Variants in C1orf159 observed in about 807,000 individuals in gnomAD.
C1orf159 encodes the protein chromosome 1 open reading frame 159, also known as uncharacterized protein C1orf159.
Under a neutral mutation model 25.6 loss-of-function variants are expected in C1orf159, and 19 were observed. The observed-to-expected ratio is 0.74, with a 90% CI of 0.52 to 1.09. The LOEUF (loss-of-function observed/expected upper bound fraction) is 1.09. Ranked by LOEUF, C1orf159 falls within the 50% of genes least tolerant of loss-of-function variation. The probability of loss-of-function intolerance (pLI) is 0.00; values close to 1 mark genes in which losing one functional copy is unlikely to be tolerated. For missense variants in C1orf159, 274 were observed against 290.6 expected (o/e 0.94, Z 0.42); for synonymous variants, 139 against 124.7 (o/e 1.12, Z -0.77).
intron 1 of C1orf159, among the ~76,000 whole-genome samples, chr1:1,097,660 C>T (rs1570320430): frequency 6.8e-6 from 1 of 147,114 alleles, no homozygotes; most frequent in African/African-American, 2.5e-5. Flanking sequence ...TGGGTTCAAG[C>T]AGTCCTCCCA....
chr1:1,089,555 C>T lies in C1orf159; in HGVS notation c.148+798G>A, dbSNP rs896935509. 6.6e-6 allele frequency among the ~76,000 whole-genome samples: 1 copy of T among 152,194 alleles called. No individual in the cohort carries two copies. The highest frequency in any genetic ancestry group is 2.4e-5 in the African/African-American group (1 of 41,446). ...CCACGCCCAGCCTCGGACCCCCGCG[C>T]CCAGCCTCACTGGCTGCCACAGCCG... On this transcript the variant is annotated intron_variant, in intron 4 of 9. Coordinates refer to ENST00000421241, the MANE Select transcript of C1orf159 (RefSeq NM_017891.5). The surrounding 1 kb of genome is among the most constrained non-coding windows in gnomAD (Gnocchi z 7.5).
At chr1:1,107,043 AC>A (rs952627622) in intron 1 of C1orf159, among the ~76,000 whole-genome samples, 6 of 149,308 alleles carry the variant, frequency 4.0e-5, no homozygotes, top group African/African-American at 1.5e-4. Flanking sequence ...GGCCCCCCGC[AC>A]CCCCGCCCGT....
chr1:1,082,745 C>T lies in C1orf159; in HGVS notation c.*148G>A, dbSNP rs752722885. The T allele has an allele frequency of 2.2e-5, 16 of 711,246 alleles. No homozygotes were observed. The highest frequency in any genetic ancestry group is 1.2e-4 in the South Asian group (7 of 58,074). The allele number at this position is 711,246 out of a possible 1,614,324, so 44.1% of individuals were successfully genotyped here. ...CGGCCCGGGACCCTTTGGCGTCCGT[C>T]GCTGGGAGGCGGAGGGACTCAGAGC... On this transcript the variant is annotated 3_prime_UTR_variant, in exon 10 of 10. Coordinates refer to ENST00000421241, the MANE Select transcript of C1orf159 (RefSeq NM_017891.5).
intron 1 of C1orf159, chr1:1,092,369 G>T: frequency 5.6e-6 from 1 of 178,518 alleles, no homozygotes; most frequent in Non-Finnish European, 1.2e-5. Context: ...TCAGGGACCA[G>T]GTACGGAGCT....
rs71628936 is a variant in C1orf159 at position 1,108,692 on chromosome 1, A to G, written c.-136+7368T>C. Among the ~76,000 whole-genome samples the G allele has an allele frequency of 9.2e-4, 43 of 46,562 alleles. 6 individuals carry two copies. Among genetic ancestry groups the G allele is most frequent in the African/African-American group, 2.6e-3 (17 of 6,436 alleles). The allele number at this position is 46,562 out of a possible 152,430, so 30.5% of individuals were successfully genotyped here. On this transcript the variant is annotated intron_variant, in intron 1 of 9. Transcript: ENST00000421241. ...CCGTTCACCACAGCCACCATGTCTC[A>G]GCACCATCCACCACGGCCACCATGT...
Position 1,082,895 on chromosome 1 carries a change from A to G in C1orf159, c.595T>C (p.Ter199ArgextTer43). The change falls in exon 10 of 10, where the codon TGA becomes CGA. Residue 199 changes from the stop codon to arginine (R), a stop_lost. Transcript: ENST00000421241. ...GTGGCGTGGTCTCGGCCTCCAGGTC[A>G]GACATTGCTGATACGGGCCTCCCCC... Reference protein sequence around the residue: ...FPGEARISNV* With the variant: ...FPGEARISNVR The G allele has an allele frequency of 6.3e-7, 1 of 1,588,900 alleles. No homozygotes were observed. The highest frequency in any genetic ancestry group is 8.6e-7 in the Non-Finnish European group (1 of 1,167,930).
Position 1,110,919 on chromosome 1 carries a change from G to A in C1orf159, c.-136+5141C>T, listed in dbSNP as rs116187553. ...AGAGTGTCGGTAAAATCACAGCAGC[G>A]CTCCTGTCTGGCGCGGCAGGCGGGC... On this transcript the variant is annotated intron_variant, in intron 1 of 9. Transcript: ENST00000421241. The surrounding 1 kb of genome is among the most constrained non-coding windows in gnomAD (Gnocchi z 4.8). 3.1e-3 allele frequency among the ~76,000 whole-genome samples: 470 copies of A among 152,340 alleles called. 5 individuals are homozygous for A. Among genetic ancestry groups the A allele is most frequent in the African/African-American group, 0.011 (454 of 41,588 alleles).
At chr1:1,101,668 G>A (rs568380704) in intron 1 of C1orf159, among the ~76,000 whole-genome samples, 2 of 151,892 alleles carry the variant, frequency 1.3e-5, no homozygotes, top group South Asian at 2.1e-4. Context: ...GTCGGCTCAC[G>A]GTCTATTGGC....
chr1:1,111,365 C>CAAA (rs35082223), intron 1 of C1orf159, among the ~76,000 whole-genome samples: 3 of 109,094 alleles, frequency 2.7e-5, no homozygotes, highest in Admixed American at 1.0e-4. Flanking sequence ...TCATCTCTAC[C>CAAA]AAAAAAAAAA....
chr1:1,087,427 C>G lies in C1orf159; in HGVS notation c.244+75G>C. The G allele has an allele frequency of 7.2e-7, 1 of 1,392,486 alleles. No individual in the cohort carries two copies. The highest frequency in any genetic ancestry group is 9.8e-7 in the Non-Finnish European group (1 of 1,020,108). 86.3% of individuals were successfully genotyped at this position (1,392,486 alleles called of 1,614,324 possible). The stretch of plus-strand genomic sequence containing the variant: ...GTGGCTCTGGGGCAAGGTGGGGACA[C>G]AGACAGCAACTCCCACAGTGTCTCC... On this transcript the variant is annotated intron_variant, in intron 5 of 9. Transcript: ENST00000421241. This position sits in a 1 kb window ranked among gnomAD's most constrained non-coding sequence, Gnocchi z 8.3.
chr1:1,084,420 A>G (rs1471216308), intron 8 of C1orf159, 37 bp from the exon 9 acceptor site: 1 of 1,580,628 alleles, frequency 6.3e-7, no homozygotes, highest in East Asian at 2.3e-5. Flanking sequence ...AGGACTCGGG[A>G]TGGCCTGGCA....
chr1:1,115,796 A>G (rs1464032374), intron 1 of C1orf159, among the ~76,000 whole-genome samples: 1 of 13,050 alleles, frequency 7.7e-5, no homozygotes, highest in East Asian at 2.0e-3. Context: ...TCCCCTCCCC[A>G]GGCGTCCCGC....
In C1orf159 at chr1:1,082,742, CG is replaced by C; in HGVS notation, c.*150del. On this transcript the variant is annotated 3_prime_UTR_variant, in exon 10 of 10. Transcript: ENST00000421241. ...AGGCGGCCCGGGACCCTTTGGCGTC[CG>C]TCGCTGGGAGGCGGAGGGACTCAGA... The C allele has an allele frequency of 1.4e-6, 1 of 695,800 alleles. No homozygotes were observed. Among genetic ancestry groups the C allele is most frequent in the African/African-American group, 1.8e-5 (1 of 56,276 alleles). 43.1% of individuals were successfully genotyped at this position (695,800 alleles called of 1,614,324 possible). A position where few individuals can be genotyped will look rare whatever the true frequency, so the allele number is the denominator to read the frequency against.
chr1:1,082,799 G>A lies in C1orf159; in HGVS notation c.*94C>T, dbSNP rs1454036961. 30 of 1,156,236 alleles carry A rather than the reference G, an allele frequency of 2.6e-5. No homozygotes were observed. In the Admixed American group the frequency reaches 2.6e-4, roughly 10 times the overall value. The allele number at this position is 1,156,236 out of a possible 1,614,324, so 71.6% of individuals were successfully genotyped here. A position where few individuals can be genotyped will look rare whatever the true frequency, so the allele number is the denominator to read the frequency against. On this transcript the variant is annotated 3_prime_UTR_variant, in exon 10 of 10. Transcript: ENST00000421241. ...GGCTGTGCCCAGGACTGTCCCGGGC[G>A]CCGGGCGATGCCAACACTTTGTGCT... is the stretch of plus-strand genomic sequence containing the variant.
intron 4 of C1orf159, 66 bp downstream of exon 4, chr1:1,090,287 C>T (rs1031697964): frequency 1.4e-6 from 2 of 1,478,284 alleles, no homozygotes; most frequent in South Asian, 1.2e-5. Context: ...AGGGGAGGGC[C>T]CTGGGCACAC....
Position 1,089,560 on chromosome 1 carries a change from C to A in C1orf159, c.148+793G>T, listed in dbSNP as rs902955401. 3.9e-5 allele frequency among the ~76,000 whole-genome samples: 6 copies of A among 152,184 alleles called. No individual in the cohort carries two copies. Among genetic ancestry groups the A allele is most frequent in the Admixed American group, 2.0e-4 (3 of 15,284 alleles). On this transcript the variant is annotated intron_variant, in intron 4 of 9. Transcript: ENST00000421241. This position sits in a 1 kb window ranked among gnomAD's most constrained non-coding sequence, Gnocchi z 7.5. ...CCCAGCCTCGGACCCCCGCGCCCAG[C>A]CTCACTGGCTGCCACAGCCGCCGTC...
At chr1:1,106,439 G>C (rs1297147029) in intron 1 of C1orf159, among the ~76,000 whole-genome samples, 1 of 152,178 alleles carries the variant, frequency 6.6e-6, no homozygotes, top group Admixed American at 6.5e-5. Flanking sequence ...GTGAAAAACA[G>C]TATGTCAGTT....
At chr1:1,090,958 A>T in intron 3 of C1orf159, 1 of 1,550,304 alleles carries the variant, frequency 6.5e-7, no homozygotes, top group Non-Finnish European at 8.7e-7. Context: ...TTGTGTGTTG[A>T]TCACAGCTGT....
intron 1 of C1orf159, among the ~76,000 whole-genome samples, chr1:1,113,948 G>T (rs985064987): frequency 2.3e-5 from 3 of 131,000 alleles, no homozygotes; most frequent in Non-Finnish European, 4.7e-5. Context: ...ATGGAGTCTC[G>T]CTCTGTCACC....
Sources: gnomAD v4.1 joint callset for allele counts (sites outside exome capture counted in the v4.1 genomes callset) on GRCh38, gnomAD v4.1.1 for gene constraint, Gnocchi (gnomAD v3.1) non-coding constraint, MANE v1.5 for transcripts, NCBI Gene and HGNC (gene_info 2026-07-23, HGNC 2026-07-21) for gene names.